NATD1: variants seen among roughly 807,000 people sequenced by gnomAD.
NATD1 encodes the protein protein NATD1.
NATD1 carries 9 observed loss-of-function variants against 12.0 expected under a neutral mutation model. The observed-to-expected ratio is 0.75, with a 90% CI of 0.45 to 1.30. The LOEUF is 1.30. Ranked by LOEUF, NATD1 falls within the 50% of genes most tolerant of loss-of-function variation. The probability of loss-of-function intolerance (pLI) is 0.00; values close to 1 mark genes in which losing one functional copy is unlikely to be tolerated. For missense variants in NATD1, 148 were observed against 148.5 expected (o/e 1.00, Z 0.02); for synonymous variants, 71 against 65.9 (o/e 1.08, Z -0.37).
At chr17:21,243,964 C>CA in intron 2 of NATD1, 142 bp downstream of exon 2, 1 of 677,996 alleles carries the variant, frequency 1.5e-6, no homozygotes, top group Non-Finnish European at 2.4e-6. Flanking sequence ...AGCCTGGGCC[C>CA]AGAAAGGCGG....
At position 21,239,905 on chromosome 17, in the gene NATD1, T is replaced by G. The variant is rs1975250926; in HGVS notation, c.*3408A>C. On this transcript the variant is annotated 3_prime_UTR_variant, in exon 3 of 3. Coordinates refer to ENST00000611551, the MANE Select transcript of NATD1 (RefSeq NM_152914.3). Reference sequence around the variant, plus strand: ...GCAGTCTGTCCCCTCCCTCAGTAGCTGGGGCGGAATGAGATATGGCCCTGG... The same window carrying G: ...GCAGTCTGTCCCCTCCCTCAGTAGCGGGGGCGGAATGAGATATGGCCCTGG... The G allele has an allele frequency of 1.3e-5, 2 of 152,238 alleles. No individual in the cohort carries two copies. The highest frequency in any genetic ancestry group is 1.5e-5 in the Non-Finnish European group (1 of 68,050). The allele number at this position is 152,238 out of a possible 1,614,324, so 9.4% of individuals were successfully genotyped here.
rs1038487548 is a variant in NATD1, at chr17:21,239,841, A to C, written c.*3472T>G. The C allele has an allele frequency of 3.3e-5, 5 of 152,268 alleles. No individual in the cohort carries two copies. The highest frequency in any genetic ancestry group is 1.2e-4 in the African/African-American group (5 of 41,460). 9.4% of individuals were successfully genotyped at this position (152,268 alleles called of 1,614,324 possible). A position where few individuals can be genotyped will look rare whatever the true frequency, so the allele number is the denominator to read the frequency against. On this transcript the variant is annotated 3_prime_UTR_variant, in exon 3 of 3. Coordinates refer to ENST00000611551, the MANE Select transcript of NATD1 (RefSeq NM_152914.3). ...AATTTATCTTTCATTCTGAGTAGCC[A>C]TGTAACCCCTAGTGGTAACTAGGAG...
rs1399292529 is a variant in NATD1 at position 21,253,374 on chromosome 17, T to C, written c.-110A>G. 15 of 275,672 alleles carry C rather than the reference T, an allele frequency of 5.4e-5. No homozygotes were observed. Among genetic ancestry groups the C allele is most frequent in the Non-Finnish European group, 7.8e-5 (15 of 192,706 alleles). 17.1% of individuals were successfully genotyped at this position (275,672 alleles called of 1,614,324 possible). A position where few individuals can be genotyped will look rare whatever the true frequency, so the allele number is the denominator to read the frequency against. ...CGCAGGCGGCAGGCGGTGGGGTAGT[T>C]ACGGCCTGGGAGACCGCAGGCGGCG... On this transcript the variant is annotated 5_prime_UTR_variant, in exon 1 of 3. Transcript: ENST00000611551.
intron 1 of NATD1, among the ~76,000 whole-genome samples, chr17:21,250,573 A>G (rs1006797175): frequency 6.6e-6 from 1 of 152,128 alleles, no homozygotes; most frequent in Non-Finnish European, 1.5e-5. Flanking sequence ...GGGGTGAATC[A>G]CAGCTCTTCC....
At chr17:21,245,100 G>A (rs866434976) in intron 1 of NATD1, among the ~76,000 whole-genome samples, 2 of 152,214 alleles carry the variant, frequency 1.3e-5, no homozygotes, top group Non-Finnish European at 1.5e-5. Flanking sequence ...GGATGCCAGG[G>A]AATGGGGGCA....
intron 1 of NATD1, among the ~76,000 whole-genome samples, chr17:21,245,843 TGC>T (rs1327134499): frequency 2.0e-5 from 3 of 151,078 alleles, no homozygotes; most frequent in African/African-American, 7.3e-5. Flanking sequence ...ACACCAGCCC[TGC>T]TGCCTCCTCC....
intron 1 of NATD1, among the ~76,000 whole-genome samples, chr17:21,246,337 A>G (rs984345622): frequency 6.6e-6 from 1 of 152,106 alleles, no homozygotes; most frequent in African/African-American, 2.4e-5. Context: ...AACATGGTGA[A>G]ACCCCATCTC....
intron 1 of NATD1, among the ~76,000 whole-genome samples, chr17:21,251,570 C>G (rs1975376867): frequency 6.6e-6 from 1 of 152,294 alleles, no homozygotes; most frequent in South Asian, 2.1e-4. Flanking sequence ...GCAATCACTT[C>G]CTAAGGTCCC....
chr17:21,244,169 G>T lies in NATD1; in HGVS notation c.162C>A (p.Asp54Glu), dbSNP rs753053835. 6.2e-7 allele frequency: 1 copy of T among 1,613,274 alleles called. No homozygotes were observed. Among genetic ancestry groups the T allele is most frequent in the South Asian group, 1.1e-5 (1 of 91,062 alleles). ...CATCTGGGACCTCGGTGTGCTGCAG[G>T]TCCACGATCCGCTTGCCCACGTACT... ...LYEYVGKRIV[D>E]LQHTEVPDAY... The change falls in exon 2 of 3, where the codon GAC (aspartate) becomes GAA (glutamate). Residue 54 changes from aspartate to glutamate, a missense_variant. By Grantham distance (45) the Asp-to-Glu change is conservative. Coordinates refer to ENST00000611551, the MANE Select transcript of NATD1 (RefSeq NM_152914.3). The surrounding 1 kb of genome is among the most constrained non-coding windows in gnomAD (Gnocchi z 5.2).
intron 1 of NATD1, among the ~76,000 whole-genome samples, chr17:21,246,405 T>C (rs1975325056): frequency 6.6e-6 from 1 of 151,670 alleles, no homozygotes; most frequent in Admixed American, 6.6e-5. Flanking sequence ...TCCCAGCTAC[T>C]TGGGAGGCTG....
intron 1 of NATD1, among the ~76,000 whole-genome samples, chr17:21,250,408 T>C (rs1975364237): frequency 6.6e-6 from 1 of 152,206 alleles, no homozygotes; most frequent in South Asian, 2.1e-4. Flanking sequence ...GCCTCCCCTC[T>C]GCCCCCTGCA....
In NATD1 at chr17:21,244,208, G is replaced by A. The variant is rs868393262; in HGVS notation, c.123C>T (p.Ala41=). The A allele has an allele frequency of 1.8e-5, 29 of 1,611,674 alleles. 1 individual carries two copies. The Admixed American group carries it at 4.0e-4, about 22-fold the overall frequency. Residue 41 remains alanine (A), a synonymous_variant, in exon 2 of 3, where the codon GCC becomes GCT. Coordinates refer to ENST00000611551, the MANE Select transcript of NATD1 (RefSeq NM_152914.3). The surrounding 1 kb of genome is among the most constrained non-coding windows in gnomAD (Gnocchi z 5.2). ...TGCCCACGTACTCATAGAGCAGGAC[G>A]GCCCGGTCATGACATCCTGGGGGTT... ...TVRLNGCHDR[A]VLLYEYVGKR...
At chr17:21,252,395 A>T (rs1469706960) in intron 1 of NATD1, among the ~76,000 whole-genome samples, 1 of 152,218 alleles carries the variant, frequency 6.6e-6, no homozygotes, top group Non-Finnish European at 1.5e-5. Context: ...GTTTACCAGC[A>T]CTTACTAATC....
At chr17:21,247,428 C>G (rs1975335360) in intron 1 of NATD1, among the ~76,000 whole-genome samples, 1 of 152,100 alleles carries the variant, frequency 6.6e-6, no homozygotes, top group African/African-American at 2.4e-5. Context: ...GCGTGTGCAG[C>G]CCCAGCACAG....
intron 1 of NATD1, among the ~76,000 whole-genome samples, chr17:21,247,817 G>A (rs1243755341): frequency 2.0e-5 from 3 of 152,162 alleles, no homozygotes; most frequent in Non-Finnish European, 4.4e-5. Flanking sequence ...TGTGAGCCGA[G>A]ACAGCAGGAT....
At position 21,243,166 on chromosome 17, in the gene NATD1, G is replaced by A. The variant is rs1266213459; in HGVS notation, c.*147C>T. ...CCATCATTGGTCAGCTGCCTCCAGG[G>A]ATCTGGACGTGGGGCACAGATGAGT... On this transcript the variant is annotated 3_prime_UTR_variant, in exon 3 of 3. Transcript: ENST00000611551. 3.2e-6 allele frequency: 2 copies of A among 631,406 alleles called. No homozygotes were observed. The highest frequency in any genetic ancestry group is 5.4e-6 in the Non-Finnish European group (2 of 367,462). 39.1% of individuals were successfully genotyped at this position (631,406 alleles called of 1,614,324 possible).
Position 21,253,310 on chromosome 17 carries a change from C to T in NATD1, c.-46G>A. On this transcript the variant is annotated 5_prime_UTR_variant, in exon 1 of 3. Coordinates refer to ENST00000611551, the MANE Select transcript of NATD1 (RefSeq NM_152914.3). ...CGGCGCCGGCGGGGGCCGGGGCGCG[C>T]GGGGAAAGGTCAGGCGCGCGGCGGG... The T allele has an allele frequency of 1.2e-6, 1 of 865,978 alleles. No homozygotes were observed. Among genetic ancestry groups the T allele is most frequent in the Non-Finnish European group, 1.4e-6 (1 of 722,178 alleles). 53.6% of individuals were successfully genotyped at this position (865,978 alleles called of 1,614,324 possible). A position where few individuals can be genotyped will look rare whatever the true frequency, so the allele number is the denominator to read the frequency against.
At chr17:21,246,202 A>G (rs565727367) in intron 1 of NATD1, among the ~76,000 whole-genome samples, 1 of 152,138 alleles carries the variant, frequency 6.6e-6, no homozygotes, top group Non-Finnish European at 1.5e-5. Context: ...GAAGACACAC[A>G]ATAAGTAATA....
chr17:21,246,210 A>G (rs1304194226), intron 1 of NATD1, among the ~76,000 whole-genome samples: 6 of 152,164 alleles, frequency 3.9e-5, no homozygotes, highest in Admixed American at 3.9e-4. Flanking sequence ...ACAATAAGTA[A>G]TATCATTATA....
Sources: gnomAD v4.1 joint callset for allele counts (sites outside exome capture counted in the v4.1 genomes callset) on GRCh38, gnomAD v4.1.1 for gene constraint, Gnocchi (gnomAD v3.1) non-coding constraint, MANE v1.5 for transcripts, NCBI Gene and HGNC (gene_info 2026-07-23, HGNC 2026-07-21) for gene names.